Variants in IL1RAPL2 observed in about 807,000 individuals in gnomAD.
IL1RAPL2 encodes X-linked interleukin-1 receptor accessory protein-like 2.
A neutral mutation model predicts 44.1 loss-of-function variants in IL1RAPL2; 3 were observed. That is an observed-to-expected ratio of 0.07 (90% CI 0.03 to 0.18). IL1RAPL2 has a LOEUF of 0.18. IL1RAPL2 is among the 10% of genes least tolerant of loss of function. The pLI is 1.00. For synonymous variants in IL1RAPL2, 181 were observed against 178.8 expected (o/e 1.01, Z -0.10); for missense variants, 391 against 496.4 (o/e 0.79, Z 2.02).
chrX:105,333,033 A>T (rs1459861072), intron 5 of IL1RAPL2, among the ~76,000 whole-genome samples: 1 of 111,751 alleles, frequency 8.9e-6, no homozygotes, highest in African/African-American at 3.3e-5. Context: ...TTTATATGGA[A>T]CCACAAAAGA....
At chrX:105,391,356 A>G (rs1237743719) in intron 5 of IL1RAPL2, among the ~76,000 whole-genome samples, 1 of 110,407 alleles carries the variant, frequency 9.1e-6, no homozygotes, top group African/African-American at 3.3e-5. Flanking sequence ...ACACTTCTCA[A>G]AAGAAGACAT....
chrX:105,018,346 C>T (rs889174720), intron 2 of IL1RAPL2, among the ~76,000 whole-genome samples: 3 of 111,237 alleles, frequency 2.7e-5, no homozygotes, highest in Admixed American at 9.6e-5. Flanking sequence ...TGCATTCCTT[C>T]GCTCAGTATG....
chrX:104,614,872 C>T (rs1261423818), intron 1 of IL1RAPL2, among the ~76,000 whole-genome samples: 1 of 111,573 alleles, frequency 9.0e-6, no homozygotes, highest in East Asian at 2.8e-4. Flanking sequence ...TTATGGGTGT[C>T]ATTACATTTA....
chrX:105,547,831 C>G (rs2036816481), intron 6 of IL1RAPL2, among the ~76,000 whole-genome samples: 2 of 112,175 alleles, frequency 1.8e-5, no homozygotes, highest in Non-Finnish European at 3.8e-5. Context: ...CATGACCAAG[C>G]CTAGCTTCAA....
chrX:104,585,322 A>ATATATATAT (rs1928516454), intron 1 of IL1RAPL2, among the ~76,000 whole-genome samples: 1 of 21,005 alleles, frequency 4.8e-5, no homozygotes, highest in East Asian at 2.1e-3. Flanking sequence ...AATATATATT[A>ATATATATAT]TATATAATAT....
At chrX:105,526,171 A>T (rs2036593779) in intron 6 of IL1RAPL2, among the ~76,000 whole-genome samples, 1 of 111,711 alleles carries the variant, frequency 9.0e-6, no homozygotes, top group Admixed American at 9.5e-5. Flanking sequence ...CCCACAGAGT[A>T]ACTTTATCTG....
chrX:105,745,980 G>A (rs886605777), intron 8 of IL1RAPL2, among the ~76,000 whole-genome samples: 2 of 112,101 alleles, frequency 1.8e-5, no homozygotes, highest in African/African-American at 3.2e-5. Flanking sequence ...ACTGTGTCTG[G>A]CCAGGCCTCC....
At chrX:105,728,236 G>A (rs1013750963) in intron 7 of IL1RAPL2, among the ~76,000 whole-genome samples, 2 of 111,400 alleles carry the variant, frequency 1.8e-5, no homozygotes, top group African/African-American at 6.5e-5. Context: ...TACTGTCTCC[G>A]AAATGTTGCC....
intron 1 of IL1RAPL2, among the ~76,000 whole-genome samples, chrX:104,632,835 C>T (rs1242713015): frequency 5.5e-5 from 6 of 109,609 alleles, no homozygotes; most frequent in Non-Finnish European, 7.6e-5. Context: ...CCTTTATTTC[C>T]TTCTCCTGCC....
At chrX:104,572,307 G>A (rs749839770) in intron 1 of IL1RAPL2, among the ~76,000 whole-genome samples, 1 of 111,592 alleles carries the variant, frequency 9.0e-6, no homozygotes, top group African/African-American at 3.3e-5. Context: ...GAAGTTTAAG[G>A]CTCTTTAATA....
intron 6 of IL1RAPL2, among the ~76,000 whole-genome samples, chrX:105,687,616 C>T (rs183631906): frequency 9.0e-6 from 1 of 111,264 alleles, no homozygotes; most frequent in Non-Finnish European, 1.9e-5. Context: ...CAGGACCAGA[C>T]GGATTCACAG....
intron 6 of IL1RAPL2, among the ~76,000 whole-genome samples, chrX:105,514,804 AT>A (rs2147787227): frequency 8.9e-6 from 1 of 112,090 alleles, no homozygotes; most frequent in East Asian, 2.8e-4. Flanking sequence ...GACCAGCAGC[AT>A]CAGTAAGCCA....
At chrX:105,006,783 A>C (rs777303961) in intron 2 of IL1RAPL2, among the ~76,000 whole-genome samples, 1 of 111,519 alleles carries the variant, frequency 9.0e-6, no homozygotes, top group African/African-American at 3.2e-5. Flanking sequence ...GTTGGGTTGC[A>C]GTTGAGACAC....
At chrX:104,862,614 T>G (rs1446510991) in intron 2 of IL1RAPL2, among the ~76,000 whole-genome samples, 1 of 111,643 alleles carries the variant, frequency 9.0e-6, no homozygotes, top group Non-Finnish European at 1.9e-5. Flanking sequence ...TCCAGAGCTA[T>G]GAGAAAATAA....
chrX:104,885,193 C>A (rs903281997), intron 2 of IL1RAPL2, among the ~76,000 whole-genome samples: 2 of 111,515 alleles, frequency 1.8e-5, no homozygotes, highest in African/African-American at 3.3e-5. Flanking sequence ...TTTGGAGATA[C>A]CTGGTATCTT....
chrX:105,506,388 G>A (rs2036431305), intron 6 of IL1RAPL2, among the ~76,000 whole-genome samples: 1 of 111,092 alleles, frequency 9.0e-6, no homozygotes, highest in African/African-American at 3.3e-5. Context: ...TCACATTCTT[G>A]GGCCTTGATG....
chrX:105,369,196 G>A (rs1445485236), intron 5 of IL1RAPL2, among the ~76,000 whole-genome samples: 2 of 109,573 alleles, frequency 1.8e-5, no homozygotes, highest in African/African-American at 6.6e-5. Context: ...TCATTAATTT[G>A]AAAAACATCT....
chrX:104,689,464 G>A (rs1282258887), intron 2 of IL1RAPL2, among the ~76,000 whole-genome samples: 1 of 111,513 alleles, frequency 9.0e-6, no homozygotes, highest in African/African-American at 3.3e-5. Context: ...GCTGTCCAGT[G>A]TTAGTTCTTT....
chrX:104,928,369 C>T (rs1602827882), intron 2 of IL1RAPL2, among the ~76,000 whole-genome samples: 2 of 111,218 alleles, frequency 1.8e-5, no homozygotes, highest in South Asian at 7.6e-4. Flanking sequence ...ATCAGTCCCT[C>T]ATTATCCTTC....
Sources: gnomAD v4.1 joint callset for allele counts (sites outside exome capture counted in the v4.1 genomes callset) on GRCh38, gnomAD v4.1.1 for gene constraint, MANE v1.5 for transcripts, NCBI Gene and HGNC (gene_info 2026-07-23, HGNC 2026-07-21) for gene names.